Variants in NADK2 observed in about 807,000 individuals in gnomAD.
The protein encoded by NADK2 is NAD kinase domain-containing protein 1, mitochondrial.
In NADK2, 35 loss-of-function variants were observed where a neutral mutation model predicts 62.1. The ratio of observed to expected loss-of-function variants is 0.56; its 90% CI spans 0.43 to 0.75. The LOEUF is 0.75. Ranked by LOEUF, NADK2 falls within the 30% of genes least tolerant of loss-of-function variation. The pLI, the probability that NADK2 is intolerant of heterozygous loss-of-function variation, is 0.00. For missense variants in NADK2, 439 were observed against 561.3 expected, an observed-to-expected ratio of 0.78 and a Z score of 2.20; for synonymous variants, 205 against 207.9, an observed-to-expected ratio of 0.99 and a Z score of 0.12.
chr5:36,212,665 A>G (rs1746894801), intron 6 of NADK2, among the ~76,000 whole-genome samples: 1 of 152,142 alleles, frequency 6.6e-6, no homozygotes, highest in Admixed American at 6.5e-5. Flanking sequence ...TGTCACAACT[A>G]TCAGATTTAT....
intron 11 of NADK2, among the ~76,000 whole-genome samples, chr5:36,196,702 T>G (rs1249242798): frequency 6.6e-6 from 1 of 152,142 alleles, no homozygotes; most frequent in Non-Finnish European, 1.5e-5. Flanking sequence ...CATGTCAAAA[T>G]CACAAAGCTA....
At chr5:36,235,740 T>C (rs902215482) in intron 1 of NADK2, among the ~76,000 whole-genome samples, 3 of 152,070 alleles carry the variant, frequency 2.0e-5, no homozygotes, top group African/African-American at 7.2e-5. Context: ...TCAACAACTA[T>C]TCTGTTCTTT....
chr5:36,214,012 A>G (rs1470397410), intron 6 of NADK2, among the ~76,000 whole-genome samples: 2 of 152,102 alleles, frequency 1.3e-5, no homozygotes, highest in African/African-American at 4.8e-5. Flanking sequence ...TTTCAATTCA[A>G]AACTTTTGTC....
rs567937631 is a variant in NADK2, at chr5:36,241,887, G to A, written c.-89C>T. The A allele has an allele frequency of 3.5e-5, 36 of 1,015,344 alleles. No individual in the cohort carries two copies. In the African/African-American group the frequency reaches 5.9e-4, roughly 17 times the overall value. The allele number at this position is 1,015,344 out of a possible 1,614,324, so 62.9% of individuals were successfully genotyped here. ...GAGTGCGCGCCGTCCGCGCCGCCCGGGCCTCTAACTTCGCGCCGGACGGGC... is the reference window on the plus strand; with the variant it reads ...GAGTGCGCGCCGTCCGCGCCGCCCGAGCCTCTAACTTCGCGCCGGACGGGC... On this transcript the variant is annotated 5_prime_UTR_variant, in exon 1 of 12. Coordinates refer to ENST00000381937, the MANE Select transcript of NADK2 (RefSeq NM_001085411.3). This position sits in a 1 kb window ranked among gnomAD's most constrained non-coding sequence, Gnocchi z 4.9.
At position 36,225,622 on chromosome 5, in the gene NADK2, A is replaced by G; in HGVS notation, c.480T>C (p.Gly160=). The G allele has an allele frequency of 6.2e-7, 1 of 1,612,702 alleles. No homozygotes were observed. Among genetic ancestry groups the G allele is most frequent in the Non-Finnish European group, 8.5e-7 (1 of 1,179,458 alleles). Reference sequence around the variant, plus strand: ...TCGCTGCCAGCAGCATTGTGCCATCACCTAAGGAACATAAGACAAAATACA... The same window carrying G: ...TCGCTGCCAGCAGCATTGTGCCATCGCCTAAGGAACATAAGACAAAATACA... ...RWADAVIAAG[G]DGTMLLAASK... Residue 160 remains glycine (G), a splice_region_variant and synonymous_variant, in exon 4 of 12, where the codon GGT becomes GGC. Coordinates refer to ENST00000381937, the MANE Select transcript of NADK2 (RefSeq NM_001085411.3).
chr5:36,214,818 G>T lies in NADK2; in HGVS notation c.782-2896C>A, dbSNP rs1746983170. 2.0e-5 allele frequency among the ~76,000 whole-genome samples: 3 copies of T among 152,150 alleles called. No homozygotes were observed. The South Asian group carries it at 6.2e-4, about 32-fold the overall frequency. ...GCAGCCACTATTTGGCAGCAGCCTT[G>T]GTTGCCTGAAAACTCCTTGGACAGT... On this transcript the variant is annotated intron_variant, in intron 6 of 11. Coordinates refer to ENST00000381937, the MANE Select transcript of NADK2 (RefSeq NM_001085411.3).
At chr5:36,219,926 G>A (rs1384777860) in intron 4 of NADK2, among the ~76,000 whole-genome samples, 3 of 152,062 alleles carry the variant, frequency 2.0e-5, no homozygotes, top group Non-Finnish European at 4.4e-5. Context: ...GAGTTTCTAC[G>A]TTACAATGAA....
intron 11 of NADK2, 21 bp from the exon 12 acceptor site, chr5:36,195,303 C>G: frequency 6.3e-7 from 1 of 1,585,514 alleles, no homozygotes; most frequent in Non-Finnish European, 8.6e-7. Context: ...GGAAATATCT[C>G]ATTAAATAGT....
chr5:36,208,829 C>G (rs950924642), intron 7 of NADK2: 2 of 618,324 alleles, frequency 3.2e-6, no homozygotes, highest in African/African-American at 1.9e-5. Flanking sequence ...GTTTTCAGAG[C>G]ATAGTGAAGC....
chr5:36,219,075 G>T (rs576996163), intron 5 of NADK2, among the ~76,000 whole-genome samples: 172 of 152,266 alleles, frequency 1.1e-3, no homozygotes, highest in African/African-American at 3.9e-3. Flanking sequence ...ATTTGTCAGG[G>T]TTTCTCTCCA....
At chr5:36,214,496 T>C (rs1399358887) in intron 6 of NADK2, among the ~76,000 whole-genome samples, 2 of 152,178 alleles carry the variant, frequency 1.3e-5, no homozygotes, top group Admixed American at 1.3e-4. Flanking sequence ...TACTTTTTTA[T>C]CCAAGAGAAT....
At chr5:36,225,014 T>TC (rs1747429464) in intron 4 of NADK2, among the ~76,000 whole-genome samples, 1 of 152,082 alleles carries the variant, frequency 6.6e-6, no homozygotes, top group South Asian at 2.1e-4. Flanking sequence ...AACTTGTCCC[T>TC]CCTCAGCAAT....
Position 36,227,679 on chromosome 5 carries a change from A to G in NADK2, c.301-114T>C, listed in dbSNP as rs544162782. On this transcript the variant is annotated intron_variant, in intron 1 of 11. Coordinates refer to ENST00000381937, the MANE Select transcript of NADK2 (RefSeq NM_001085411.3). The stretch of plus-strand genomic sequence containing the variant: ...TATAATTTTTTGAAAATATATTTTA[A>G]TAACTACCTGTGAAACCTACAAGTA... 5.1e-4 allele frequency: 241 copies of G among 470,472 alleles called. 4 individuals carry two copies. The South Asian group carries it at 0.018, about 35-fold the overall frequency. The allele number at this position is 470,472 out of a possible 1,614,324, so 29.1% of individuals were successfully genotyped here.
At position 36,217,693 on chromosome 5, in the gene NADK2, A is replaced by G. The variant is rs561142346; in HGVS notation, c.781+55T>C. ...TATTACATCAAAAAATTTGAGGTCA[A>G]AGGAGCTATGAGTTAAATATTTCCC... On this transcript the variant is annotated intron_variant, in intron 6 of 11. Transcript: ENST00000381937. The G allele has an allele frequency of 5.2e-5, 83 of 1,606,224 alleles. 1 individual carries two copies. The South Asian group carries it at 7.9e-4, about 15-fold the overall frequency.
chr5:36,217,638 T>C (rs1747093392), intron 6 of NADK2, 110 bp downstream of exon 6: 11 of 1,128,720 alleles, frequency 9.7e-6, no homozygotes, highest in Non-Finnish European at 1.4e-5. Context: ...CTTTGTTAAG[T>C]GCTATTAATG....
chr5:36,217,730 G>A lies in NADK2; in HGVS notation c.781+18C>T. On this transcript the variant is annotated intron_variant, in intron 6 of 11. Transcript: ENST00000381937. ...GTTAAATATTTCCCCAAACACATCTGATGCCCAATCCACCTACTTTCATCA... is the reference window on the plus strand; with the variant it reads ...GTTAAATATTTCCCCAAACACATCTAATGCCCAATCCACCTACTTTCATCA... The A allele has an allele frequency of 2.5e-6, 4 of 1,613,464 alleles. No homozygotes were observed. The highest frequency in any genetic ancestry group is 3.4e-6 in the Non-Finnish European group (4 of 1,179,620).
intron 8 of NADK2, among the ~76,000 whole-genome samples, chr5:36,202,390 A>T (rs1490233873): frequency 6.6e-6 from 1 of 152,130 alleles, no homozygotes; most frequent in African/African-American, 2.4e-5. Flanking sequence ...TAATTGAAAC[A>T]TATGGTGATC....
chr5:36,209,455 T>C (rs191947532), intron 7 of NADK2, among the ~76,000 whole-genome samples: 3 of 152,296 alleles, frequency 2.0e-5, no homozygotes, highest in Non-Finnish European at 2.9e-5. Flanking sequence ...AGCCATTAAA[T>C]GGCTTCCCTG....
In NADK2 at chr5:36,205,487, G is replaced by A. The variant is rs1020614793; in HGVS notation, c.956+1683C>T. Among the ~76,000 whole-genome samples, 4 of 152,042 alleles carry A rather than the reference G, an allele frequency of 2.6e-5. No individual in the cohort carries two copies. The highest frequency in any genetic ancestry group is 9.7e-5 in the African/African-American group (4 of 41,400). Reference sequence around the variant, plus strand: ...CAATTCTAGTGTGCCATAGGTGGGGGTAAGGGTAGGGCAGGAATAAGGCCA... The same window carrying A: ...CAATTCTAGTGTGCCATAGGTGGGGATAAGGGTAGGGCAGGAATAAGGCCA... On this transcript the variant is annotated intron_variant, in intron 8 of 11. Coordinates refer to ENST00000381937, the MANE Select transcript of NADK2 (RefSeq NM_001085411.3). The surrounding 1 kb of genome is among the most constrained non-coding windows in gnomAD (Gnocchi z 4.1).
Sources: gnomAD v4.1 joint callset for allele counts (sites outside exome capture counted in the v4.1 genomes callset) on GRCh38, gnomAD v4.1.1 for gene constraint, Gnocchi (gnomAD v3.1) non-coding constraint, MANE v1.5 for transcripts, NCBI Gene and HGNC (gene_info 2026-07-23, HGNC 2026-07-21) for gene names.